Variants in SYT14 observed in about 807,000 individuals in gnomAD.
SYT14 encodes synaptotagmin 14, also known as synaptotagmin-14.
SYT14 carries 32 observed loss-of-function variants against 74.2 expected under a neutral mutation model. That is an observed-to-expected ratio of 0.43 (90% CI 0.33 to 0.58). SYT14 has a LOEUF of 0.58. SYT14 is among the 20% of genes least tolerant of loss of function. The pLI is 0.05. For synonymous variants in SYT14, 298 were observed against 337.7 expected (o/e 0.88, Z 1.29); for missense variants, 791 against 981.8 (o/e 0.81, Z 2.60).
At chr1:210,018,747 AAATTGTTTGACACAT>A (rs2080239389) in intron 4 of SYT14, among the ~76,000 whole-genome samples, 1 of 152,208 alleles carries the variant, frequency 6.6e-6, no homozygotes, top group Admixed American at 6.5e-5. Context: ...TGATTTTCAA[AAATTGTTTGACACAT>A]AGATTAACCC....
At chr1:210,118,918 C>T (rs1202976660) in intron 7 of SYT14, among the ~76,000 whole-genome samples, 3 of 152,052 alleles carry the variant, frequency 2.0e-5, no homozygotes, top group Non-Finnish European at 4.4e-5. Context: ...TAATCATTTT[C>T]CCCATCATGC....
intron 8 of SYT14, among the ~76,000 whole-genome samples, chr1:210,156,530 A>G (rs1195984827): frequency 6.6e-6 from 1 of 151,994 alleles, no homozygotes; most frequent in South Asian, 2.1e-4. Flanking sequence ...TGCCCTGACT[A>G]TATGCGTGTT....
intron 2 of SYT14, among the ~76,000 whole-genome samples, chr1:209,957,587 C>G (rs1054289315): frequency 6.6e-6 from 1 of 151,830 alleles, no homozygotes. Context: ...CCACCATGCC[C>G]GGCTAATTTT....
chr1:210,110,624 T>C (rs2082244179), intron 7 of SYT14, among the ~76,000 whole-genome samples: 1 of 152,204 alleles, frequency 6.6e-6, no homozygotes, highest in African/African-American at 2.4e-5. Flanking sequence ...AGATCAGGGG[T>C]ACCAAGGAGA....
chr1:210,131,284 T>C (rs1203090267), intron 7 of SYT14, among the ~76,000 whole-genome samples: 1 of 152,176 alleles, frequency 6.6e-6, no homozygotes, highest in East Asian at 1.9e-4. Context: ...TTAGTTGGAA[T>C]TGACAAGTTG....
At chr1:209,989,004 G>A (rs1040512425) in intron 2 of SYT14, among the ~76,000 whole-genome samples, 2 of 152,120 alleles carry the variant, frequency 1.3e-5, no homozygotes, top group African/African-American at 4.8e-5. Flanking sequence ...TACAGTGACC[G>A]CACTGTCCCC....
intron 5 of SYT14, among the ~76,000 whole-genome samples, chr1:210,024,282 T>G (rs746535394): frequency 1.3e-5 from 2 of 152,168 alleles, no homozygotes; most frequent in African/African-American, 4.8e-5. Flanking sequence ...AGAAAAGATA[T>G]CAGTTAAGGA....
exon 10 of SYT14, chr1:210,170,306 CTG>C (rs763272363): frequency 1.3e-4 from 19 of 151,816 alleles, no homozygotes; most frequent in African/African-American, 3.9e-4. Context: ...GTGAAGCAGT[CTG>C]TTTTATAGAG....
At chr1:209,947,866 C>T (rs1201054185) in intron 1 of SYT14, among the ~76,000 whole-genome samples, 5 of 152,174 alleles carry the variant, frequency 3.3e-5, no homozygotes, top group African/African-American at 1.2e-4. Flanking sequence ...GCCACCCCAA[C>T]CTTCATCATC....
chr1:209,966,249 T>C (rs2079156514), intron 2 of SYT14, among the ~76,000 whole-genome samples: 1 of 152,204 alleles, frequency 6.6e-6, no homozygotes, highest in Non-Finnish European at 1.5e-5. Flanking sequence ...TTACTATAGC[T>C]TTATAACCAT....
At chr1:210,091,823 G>C (rs1243175877) in intron 5 of SYT14, among the ~76,000 whole-genome samples, 1 of 152,078 alleles carries the variant, frequency 6.6e-6, no homozygotes, top group African/African-American at 2.4e-5. Flanking sequence ...GCCAATTATG[G>C]TCATCCCATT....
chr1:209,978,138 C>T (rs2079404118), intron 2 of SYT14, among the ~76,000 whole-genome samples: 2 of 152,076 alleles, frequency 1.3e-5, no homozygotes, highest in Admixed American at 1.3e-4. Context: ...AACTTCTTTG[C>T]CATGGGTTCA....
intron 2 of SYT14, among the ~76,000 whole-genome samples, chr1:209,975,482 T>C: frequency 6.6e-6 from 1 of 152,230 alleles, no homozygotes; most frequent in Non-Finnish European, 1.5e-5. Context: ...TTTTTGTCAT[T>C]GGTTCTGTAT....
chr1:210,022,427 A>G (rs1025517086), intron 5 of SYT14, among the ~76,000 whole-genome samples: 1 of 152,228 alleles, frequency 6.6e-6, no homozygotes, highest in Non-Finnish European at 1.5e-5. Context: ...TAGGGAAAAT[A>G]AGACATGTGC....
At chr1:210,169,630 G>A (rs1019225101) in exon 10 of SYT14, 2 of 152,134 alleles carry the variant, frequency 1.3e-5, no homozygotes, top group South Asian at 2.1e-4. Flanking sequence ...TAGTGGCAAC[G>A]ATTTTGAGGA....
At chr1:209,958,366 C>T (rs749037048) in intron 2 of SYT14, among the ~76,000 whole-genome samples, 20 of 151,528 alleles carry the variant, frequency 1.3e-4, no homozygotes, top group South Asian at 2.1e-4. Context: ...ATAGCTATTT[C>T]TGGGCCTTTG....
At chr1:210,070,769 G>T (rs188666496) in intron 5 of SYT14, among the ~76,000 whole-genome samples, 20 of 152,172 alleles carry the variant, frequency 1.3e-4, no homozygotes, top group Admixed American at 3.3e-4. Context: ...AGTGTTTCTT[G>T]GTATAGGGTC....
chr1:210,078,309 CAAAAAAAAAA>C (rs59924487), intron 5 of SYT14, among the ~76,000 whole-genome samples: 2 of 72,060 alleles, frequency 2.8e-5, no homozygotes, highest in East Asian at 4.7e-4. Flanking sequence ...GACTCCGTCT[CAAAAAAAAAA>C]AAAAAAAAAA....
At chr1:209,983,735 T>A (rs1194464481) in intron 2 of SYT14, among the ~76,000 whole-genome samples, 1 of 152,204 alleles carries the variant, frequency 6.6e-6, no homozygotes, top group Non-Finnish European at 1.5e-5. Context: ...TCTGTGAAAT[T>A]CTTTTATCTT....
Sources: gnomAD v4.1 joint callset for allele counts (sites outside exome capture counted in the v4.1 genomes callset) on GRCh38, gnomAD v4.1.1 for gene constraint, MANE v1.5 for transcripts, NCBI Gene and HGNC (gene_info 2026-07-23, HGNC 2026-07-21) for gene names.